WASF3: variants seen among roughly 807,000 people sequenced by gnomAD.
WASF3 encodes WASP family member 3, also known as actin-binding protein WASF3.
WASF3 carries 11 observed loss-of-function variants against 46.6 expected under a neutral mutation model. The ratio of observed to expected loss-of-function variants is 0.24; its 90% CI spans 0.15 to 0.39. The LOEUF (loss-of-function observed/expected upper bound fraction) is 0.39. Among genes scored for constraint, WASF3 ranks in the 10% least tolerant of loss-of-function variants. WASF3 has a pLI of 1.00. For synonymous variants in WASF3, 242 were observed against 259.7 expected, an observed-to-expected ratio of 0.93 and a Z score of 0.65; for missense variants, 576 against 669.8, an observed-to-expected ratio of 0.86 and a Z score of 1.55.
At position 26,579,152 on chromosome 13, in the gene WASF3, A is replaced by G. The variant is rs150875369; in HGVS notation, c.-109+21333A>G. Among the ~76,000 whole-genome samples the G allele has an allele frequency of 5.5e-3, 831 of 151,266 alleles. 29 individuals carry two copies. The highest frequency in any genetic ancestry group is 0.049 in the Admixed American group (742 of 15,184). On this transcript the variant is annotated intron_variant, in intron 1 of 9. Transcript: ENST00000335327. ...GTAGCTTGGACTACTGGTGTGTGCC[A>G]CTAGGACCAGCGAATTTTTTAAGTT...
intron 1 of WASF3, chr13:26,577,089 A>G: frequency 1.3e-6 from 1 of 784,352 alleles, no homozygotes; most frequent in Non-Finnish European, 2.3e-6. Flanking sequence ...ATGTGTTTGA[A>G]GTGAGTCTTG....
chr13:26,631,034 A>G (rs1056004006), intron 2 of WASF3, among the ~76,000 whole-genome samples: 2 of 151,988 alleles, frequency 1.3e-5, no homozygotes, highest in Non-Finnish European at 2.9e-5. Context: ...TGTTTGGTTC[A>G]TTGTAGATTC....
At chr13:26,599,471 G>C (rs1014026371) in intron 1 of WASF3, among the ~76,000 whole-genome samples, 1 of 152,126 alleles carries the variant, frequency 6.6e-6, no homozygotes, top group Non-Finnish European at 1.5e-5. Flanking sequence ...TGACATAGGG[G>C]CTCTCTCAGC....
intron 1 of WASF3, among the ~76,000 whole-genome samples, chr13:26,574,757 T>C (rs539180755): frequency 6.6e-6 from 1 of 152,304 alleles, no homozygotes; most frequent in South Asian, 2.1e-4. Context: ...TTTAAAAAAT[T>C]CTTTTGATAT....
rs1880236231 is a variant in WASF3 at position 26,589,809 on chromosome 13, G to A, written c.-108-23152G>A. Reference sequence around the variant, plus strand: ...CATGCTTTGGATTGTTTTGAACAGAGGTAAACATACTCAATTTGACTAGAT... The same window carrying A: ...CATGCTTTGGATTGTTTTGAACAGAAGTAAACATACTCAATTTGACTAGAT... On this transcript the variant is annotated intron_variant, in intron 1 of 9. Transcript: ENST00000335327. Among the ~76,000 whole-genome samples the A allele has an allele frequency of 1.3e-5, 2 of 152,204 alleles. 1 individual carries two copies. The highest frequency in any genetic ancestry group is 4.1e-4 in the South Asian group (2 of 4,820).
the WASF3 span, among the ~76,000 whole-genome samples, chr13:26,540,720 T>C: frequency 6.6e-6 from 1 of 152,226 alleles, no homozygotes; most frequent in Non-Finnish European, 1.5e-5. Context: ...GTTTGGCCAA[T>C]TCCAGGGTTT....
At chr13:26,550,347 T>C in the WASF3 span, among the ~76,000 whole-genome samples, 1 of 152,324 alleles carries the variant, frequency 6.6e-6, no homozygotes, top group African/African-American at 2.4e-5. Context: ...ACTCCCTTCG[T>C]TGTTTGTAAA....
chr13:26,685,215 T>A (rs1883366215), intron 9 of WASF3, among the ~76,000 whole-genome samples: 2 of 152,250 alleles, frequency 1.3e-5, no homozygotes, highest in South Asian at 4.1e-4. Flanking sequence ...GTTTCTCAGT[T>A]ACTTCTTGGG....
intron 2 of WASF3, among the ~76,000 whole-genome samples, chr13:26,630,494 C>A (rs970215227): frequency 3.3e-5 from 5 of 152,158 alleles, no homozygotes; most frequent in African/African-American, 1.2e-4. Context: ...TGAACTCATC[C>A]TTTTTTGTGG....
intron 3 of WASF3, among the ~76,000 whole-genome samples, chr13:26,656,677 T>A (rs1197531238): frequency 6.6e-6 from 1 of 152,170 alleles, no homozygotes; most frequent in Non-Finnish European, 1.5e-5. Flanking sequence ...CATTAAAGTT[T>A]TTAATTTAAA....
At chr13:26,671,665 A>G (rs1882927785) in intron 5 of WASF3, among the ~76,000 whole-genome samples, 1 of 152,156 alleles carries the variant, frequency 6.6e-6, no homozygotes, top group Admixed American at 6.5e-5. Context: ...CTTTTAACCT[A>G]CAACAGGTTA....
intron 3 of WASF3, among the ~76,000 whole-genome samples, chr13:26,651,032 G>A (rs182016734): frequency 4.6e-5 from 7 of 152,304 alleles, no homozygotes; most frequent in Admixed American, 3.9e-4. Context: ...AAGAAACTCA[G>A]CAAATTCCTG....
chr13:26,650,191 C>G (rs1039946396), intron 3 of WASF3, among the ~76,000 whole-genome samples: 1 of 152,156 alleles, frequency 6.6e-6, no homozygotes, highest in Non-Finnish European at 1.5e-5. Context: ...GAGGGAAATA[C>G]CCAACTCCAG....
chr13:26,645,313 T>G (rs530809023), intron 3 of WASF3, among the ~76,000 whole-genome samples: 1 of 152,270 alleles, frequency 6.6e-6, no homozygotes, highest in African/African-American at 2.4e-5. Flanking sequence ...CAACCCTCAC[T>G]AGACACCAAA....
At chr13:26,623,109 A>C (rs1250819533) in intron 2 of WASF3, among the ~76,000 whole-genome samples, 1 of 152,180 alleles carries the variant, frequency 6.6e-6, no homozygotes, top group Non-Finnish European at 1.5e-5. Context: ...CAAAAATTGT[A>C]ATGCATTCTT....
chr13:26,688,330 CTT>C lies in WASF3; in HGVS notation c.*2487_*2488del, dbSNP rs1883472744. On this transcript the variant is annotated 3_prime_UTR_variant, in exon 10 of 10. Coordinates refer to ENST00000335327, the MANE Select transcript of WASF3 (RefSeq NM_006646.6). ...CAAAAGCACATTTCATTTCTCCAAACTTTGTGTTTTAAATTATAGTTATAAAT... is the reference window on the plus strand; with the variant it reads ...CAAAAGCACATTTCATTTCTCCAAACTGTGTTTTAAATTATAGTTATAAAT... 6.6e-6 allele frequency: 1 copy of C among 152,294 alleles called. No individual in the cohort carries two copies. The highest frequency in any genetic ancestry group is 1.5e-5 in the Non-Finnish European group (1 of 68,012). The allele number at this position is 152,294 out of a possible 1,614,324, so 9.4% of individuals were successfully genotyped here.
At chr13:26,599,201 T>TTTTTTTA (rs1593140081) in intron 1 of WASF3, among the ~76,000 whole-genome samples, 1 of 149,916 alleles carries the variant, frequency 6.7e-6, no homozygotes, top group African/African-American at 2.5e-5. Flanking sequence ...TTTTTTTTTT[T>TTTTTTTA]GAGACGGAGT....
At chr13:26,618,275 A>G (rs1257156519) in intron 2 of WASF3, among the ~76,000 whole-genome samples, 26 of 152,148 alleles carry the variant, frequency 1.7e-4, no homozygotes, top group Admixed American at 1.6e-3. Flanking sequence ...AGTATCTTCT[A>G]GTTGTTTGTA....
At chr13:26,548,985 C>G in the WASF3 span, among the ~76,000 whole-genome samples, 5 of 132,996 alleles carry the variant, frequency 3.8e-5, no homozygotes, top group African/African-American at 1.1e-4. Flanking sequence ...TTCTTTCTTT[C>G]TTTGTTTTTT....
Sources: gnomAD v4.1 joint callset for allele counts (sites outside exome capture counted in the v4.1 genomes callset) on GRCh38, gnomAD v4.1.1 for gene constraint, MANE v1.5 for transcripts, NCBI Gene and HGNC (gene_info 2026-07-23, HGNC 2026-07-21) for gene names.